Variants in RAP1GAP2 observed in about 807,000 individuals in gnomAD.
RAP1GAP2 encodes the protein rap1 GTPase-activating protein 2.
A neutral mutation model predicts 95.0 loss-of-function variants in RAP1GAP2; 27 were observed. The observed-to-expected ratio is 0.28, with a 90% CI of 0.21 to 0.39. The LOEUF (loss-of-function observed/expected upper bound fraction) is 0.39. Among genes scored for constraint, RAP1GAP2 ranks in the 10% least tolerant of loss-of-function variants. RAP1GAP2 has a pLI of 1.00. For synonymous variants in RAP1GAP2, 373 were observed against 380.9 expected (o/e 0.98, Z 0.24); for missense variants, 771 against 970.0 (o/e 0.79, Z 2.72).
intron 3 of RAP1GAP2, among the ~76,000 whole-genome samples, chr17:2,921,173 AATAAAAGG>A (rs2042754875): frequency 1.3e-5 from 2 of 151,962 alleles, no homozygotes; most frequent in Non-Finnish European, 1.5e-5. Flanking sequence ...GATGGGTTGA[AATAAAAGG>A]ATAAAAGGAA....
chr17:2,993,434 G>A (rs1267228119), intron 12 of RAP1GAP2, among the ~76,000 whole-genome samples: 3 of 138,736 alleles, frequency 2.2e-5, no homozygotes, highest in South Asian at 2.4e-4. Context: ...TTAGCCGGGC[G>A]TGGTGGCACG....
At chr17:2,815,648 A>G (rs1293496530) in intron 2 of RAP1GAP2, among the ~76,000 whole-genome samples, 3 of 151,624 alleles carry the variant, frequency 2.0e-5, no homozygotes, top group Non-Finnish European at 4.4e-5. Context: ...CGCCCAGCTA[A>G]TTTTTGTATT....
At chr17:2,843,295 T>A (rs115780550) in intron 2 of RAP1GAP2, among the ~76,000 whole-genome samples, 2,816 of 151,782 alleles carry the variant, frequency 0.019, 103 homozygotes, top group African/African-American at 0.063. Flanking sequence ...TTTCCCTTTT[T>A]TTTTTTTTTT....
chr17:2,785,167 T>C (rs1303111827), intron 1 of RAP1GAP2, among the ~76,000 whole-genome samples: 4 of 152,080 alleles, frequency 2.6e-5, no homozygotes, highest in Non-Finnish European at 5.9e-5. Flanking sequence ...AATCTGGGGG[T>C]TTGCACGAGC....
chr17:2,986,392 A>T (rs910633562), intron 11 of RAP1GAP2, among the ~76,000 whole-genome samples: 6 of 152,118 alleles, frequency 3.9e-5, no homozygotes, highest in Admixed American at 3.9e-4. Context: ...TGCTTGTGGA[A>T]TTTACCAAAG....
intron 3 of RAP1GAP2, among the ~76,000 whole-genome samples, chr17:2,947,044 C>G (rs530636699): frequency 2.6e-5 from 4 of 152,180 alleles, no homozygotes; most frequent in African/African-American, 4.8e-5. Flanking sequence ...CGTGAGCCAC[C>G]GTGCCCGGCC....
At chr17:2,923,165 G>C (rs1438677965) in intron 3 of RAP1GAP2, among the ~76,000 whole-genome samples, 1 of 150,390 alleles carries the variant, frequency 6.6e-6, no homozygotes, top group Non-Finnish European at 1.5e-5. Flanking sequence ...TCAGCCTCCC[G>C]AGCAGCTGGG....
intron 1 of RAP1GAP2, among the ~76,000 whole-genome samples, chr17:2,769,649 G>C (rs919620530): frequency 2.0e-5 from 3 of 152,070 alleles, no homozygotes; most frequent in African/African-American, 7.2e-5. Flanking sequence ...CTGTAAAGGG[G>C]CTTAAAGGAT....
At chr17:2,969,211 C>A (rs1261161924) in intron 8 of RAP1GAP2, among the ~76,000 whole-genome samples, 1 of 96,062 alleles carries the variant, frequency 1.0e-5, no homozygotes, top group East Asian at 4.9e-4. Flanking sequence ...CTGTATCTAA[C>A]TATCAGACTT....
intron 8 of RAP1GAP2, among the ~76,000 whole-genome samples, chr17:2,969,487 A>G (rs944863435): frequency 2.9e-5 from 4 of 140,334 alleles, no homozygotes; most frequent in African/African-American, 1.1e-4. Flanking sequence ...ATGTGTAAAT[A>G]TATATATTCT....
At chr17:2,954,266 A>T (rs7225297) in intron 3 of RAP1GAP2, among the ~76,000 whole-genome samples, 9 of 151,382 alleles carry the variant, frequency 5.9e-5, no homozygotes, top group Admixed American at 2.6e-4. Flanking sequence ...CACCATGCCC[A>T]GCTAATTTTT....
chr17:2,816,190 T>C (rs2070016038), intron 2 of RAP1GAP2, among the ~76,000 whole-genome samples: 1 of 151,402 alleles, frequency 6.6e-6, no homozygotes, highest in South Asian at 2.1e-4. Context: ...CCTGCTAAGG[T>C]CCTTTTTTCC....
chr17:2,853,232 G>A (rs1052237458), intron 2 of RAP1GAP2, among the ~76,000 whole-genome samples: 41 of 152,078 alleles, frequency 2.7e-4, no homozygotes, highest in Non-Finnish European at 1.0e-4. Flanking sequence ...CCGGGGACCC[G>A]GGCCCGGGAG....
chr17:2,967,288 C>G (rs1186372142), intron 8 of RAP1GAP2, among the ~76,000 whole-genome samples: 2 of 152,096 alleles, frequency 1.3e-5, no homozygotes. Context: ...GGAGAATCAC[C>G]TGAACCCAGG....
chr17:2,977,007 G>A (rs1212390463), intron 8 of RAP1GAP2, among the ~76,000 whole-genome samples: 4 of 151,582 alleles, frequency 2.6e-5, no homozygotes, highest in African/African-American at 7.3e-5. Flanking sequence ...CGAGTTGGCG[G>A]GCACCTGTAA....
At chr17:2,986,822 C>T (rs1256681038) in intron 11 of RAP1GAP2, among the ~76,000 whole-genome samples, 2 of 152,124 alleles carry the variant, frequency 1.3e-5, no homozygotes, top group South Asian at 2.1e-4. Context: ...AAGAGAAGTG[C>T]AGGTCCCACA....
chr17:2,941,668 G>GT (rs59002572), intron 3 of RAP1GAP2, among the ~76,000 whole-genome samples: 89,627 of 135,868 alleles, frequency 0.66, 30,955 homozygotes, highest in Non-Finnish European at 0.77. Context: ...TGACTCTTGG[G>GT]TTTTTTTTTT....
At position 2,903,367 on chromosome 17, in the gene RAP1GAP2, A is replaced by G. The variant is rs1282798974; in HGVS notation, c.81-1917A>G. On this transcript the variant is annotated intron_variant, in intron 2 of 24. Coordinates refer to ENST00000254695, the MANE Select transcript of RAP1GAP2 (RefSeq NM_015085.5). This position sits in a 1 kb window ranked among gnomAD's most constrained non-coding sequence, Gnocchi z 4.1. ...CTGGACCCAGCTCTGTTGTGCACAC[A>G]GGCAGGTGAGTGTCTGGCAGAGCAG... Among the ~76,000 whole-genome samples, 1 of 152,200 alleles carries G rather than the reference A, an allele frequency of 6.6e-6. No individual in the cohort carries two copies. The highest frequency in any genetic ancestry group is 1.9e-4 in the East Asian group (1 of 5,196).
At chr17:2,762,896 G>A (rs1379077481) in intron 1 of RAP1GAP2, among the ~76,000 whole-genome samples, 5 of 151,886 alleles carry the variant, frequency 3.3e-5, no homozygotes, top group Admixed American at 2.0e-4. Context: ...CGCTGGTCTC[G>A]AACTCCCGGA....
Sources: gnomAD v4.1 joint callset for allele counts (sites outside exome capture counted in the v4.1 genomes callset) on GRCh38, gnomAD v4.1.1 for gene constraint, Gnocchi (gnomAD v3.1) non-coding constraint, MANE v1.5 for transcripts, NCBI Gene and HGNC (gene_info 2026-07-23, HGNC 2026-07-21) for gene names.